The following DOCK2 variants were observed in gnomAD, a reference collection of about 807,000 sequenced individuals.
The protein encoded by DOCK2 is dedicator of cytokinesis 2, also known as dedicator of cytokinesis protein 2.
A neutral mutation model predicts 248.9 loss-of-function variants in DOCK2; 87 were observed. The ratio of observed to expected loss-of-function variants is 0.35; its 90% CI spans 0.29 to 0.42. DOCK2 has a LOEUF of 0.42. DOCK2 is among the 10% of genes least tolerant of loss of function. The probability of loss-of-function intolerance (pLI) is 1.00; values close to 1 mark genes in which losing one functional copy is unlikely to be tolerated. For synonymous variants in DOCK2, 805 were observed against 821.6 expected (o/e 0.98, Z 0.35); for missense variants, 1,747 against 2,300.2 (o/e 0.76, Z 4.92).
At chr5:169,679,808 G>A (rs928707353) in intron 6 of DOCK2, among the ~76,000 whole-genome samples, 1 of 152,208 alleles carries the variant, frequency 6.6e-6, no homozygotes, top group Non-Finnish European at 1.5e-5. Flanking sequence ...GCTTCTGACT[G>A]CATTTGGATG....
At chr5:169,801,475 G>A (rs1766986066) in intron 25 of DOCK2, among the ~76,000 whole-genome samples, 1 of 152,164 alleles carries the variant, frequency 6.6e-6, no homozygotes, top group Non-Finnish European at 1.5e-5. Context: ...GATGATTCAT[G>A]CACGACACTT....
At chr5:169,693,686 G>T (rs1001340495) in intron 9 of DOCK2, among the ~76,000 whole-genome samples, 1 of 152,256 alleles carries the variant, frequency 6.6e-6, no homozygotes, top group South Asian at 2.1e-4. Flanking sequence ...AGCCTGAAAA[G>T]CAGATGTCCA....
chr5:169,932,345 T>G (rs1192871675), intron 27 of DOCK2, among the ~76,000 whole-genome samples: 2 of 152,062 alleles, frequency 1.3e-5, no homozygotes, highest in African/African-American at 2.4e-5. Flanking sequence ...TGGTTGGAAC[T>G]ATACCCGCTG....
At chr5:170,081,606 C>T (rs1758034801) in intron 50 of DOCK2, 1 of 533,478 alleles carries the variant, frequency 1.9e-6, no homozygotes, top group Non-Finnish European at 3.3e-6. Flanking sequence ...AAGGTTTTGA[C>T]CAGGAGCCAG....
rs149544610 is a variant in DOCK2 at position 169,994,340 on chromosome 5, A to G, written c.2994-1746A>G. Among the ~76,000 whole-genome samples the G allele has an allele frequency of 1.8e-4, 28 of 152,328 alleles. No homozygotes were observed. In the East Asian group the frequency reaches 5.4e-3, roughly 29 times the overall value. On this transcript the variant is annotated intron_variant, in intron 29 of 51. Transcript: ENST00000520908. Reference sequence around the variant, plus strand: ...GGAGAGAGATGTTACTGAGTCATACAAGTAAATCATCCTAGACCATGATGA... The same window carrying G: ...GGAGAGAGATGTTACTGAGTCATACGAGTAAATCATCCTAGACCATGATGA...
At chr5:169,824,110 T>G (rs1020141161) in intron 26 of DOCK2, among the ~76,000 whole-genome samples, 2 of 151,926 alleles carry the variant, frequency 1.3e-5, no homozygotes, top group Non-Finnish European at 2.9e-5. Context: ...CACTGCTCAA[T>G]GAAATAAAAG....
chr5:170,039,382 A>G (rs1302720362), intron 36 of DOCK2, among the ~76,000 whole-genome samples: 1 of 152,164 alleles, frequency 6.6e-6, no homozygotes, highest in Admixed American at 6.5e-5. Context: ...GCTGTTATGT[A>G]TCTGATGATT....
intron 22 of DOCK2, among the ~76,000 whole-genome samples, chr5:169,742,866 G>A (rs1763395554): frequency 6.6e-6 from 1 of 152,230 alleles, no homozygotes; most frequent in Non-Finnish European, 1.5e-5. Flanking sequence ...GAGCCGGAGT[G>A]CTGGCTGTGG....
At chr5:169,780,079 C>G (rs1282109530) in intron 25 of DOCK2, among the ~76,000 whole-genome samples, 1 of 152,146 alleles carries the variant, frequency 6.6e-6, no homozygotes, top group Non-Finnish European at 1.5e-5. Flanking sequence ...TCATGTATTT[C>G]CCCTTCCACC....
intron 25 of DOCK2, among the ~76,000 whole-genome samples, chr5:169,779,890 G>A (rs757680123): frequency 6.6e-5 from 10 of 152,092 alleles, no homozygotes; most frequent in Non-Finnish European, 1.3e-4. Context: ...AGGAGGTGTG[G>A]TGACTGACTG....
intron 27 of DOCK2, among the ~76,000 whole-genome samples, chr5:169,848,527 G>A (rs1770449752): frequency 6.6e-6 from 1 of 152,220 alleles, no homozygotes; most frequent in Admixed American, 6.5e-5. Context: ...AGAGAGGGCT[G>A]TCCCGTCTCC....
At chr5:169,747,947 C>A (rs912842509) in intron 23 of DOCK2, among the ~76,000 whole-genome samples, 3 of 152,220 alleles carry the variant, frequency 2.0e-5, no homozygotes, top group Admixed American at 2.0e-4. Flanking sequence ...GACTGCAAAT[C>A]TTTGAGAAAC....
chr5:169,649,898 G>A (rs771194239), intron 1 of DOCK2, among the ~76,000 whole-genome samples: 1 of 151,894 alleles, frequency 6.6e-6, no homozygotes, highest in Admixed American at 6.6e-5. Flanking sequence ...CTGCCTCCCA[G>A]GTTCAAGCAA....
In DOCK2 at chr5:169,714,042, G is replaced by A. The variant is rs747947431; in HGVS notation, c.1674G>A (p.Lys558=). The change falls in exon 18 of 52, where the codon AAG becomes AAA. Residue 558 remains lysine (K), a synonymous_variant. Transcript: ENST00000520908. ...DLVVLKGDSK[K]MEDASAYLTL... ...GTTGTTTCCAGGGGGACAGCAAGAAGATGGAGGATGCCAGCGCATACCTGA... is the reference window on the plus strand; with the variant it reads ...GTTGTTTCCAGGGGGACAGCAAGAAAATGGAGGATGCCAGCGCATACCTGA... 36 of 1,602,334 alleles carry A rather than the reference G, an allele frequency of 2.2e-5. No homozygotes were observed. Among genetic ancestry groups the A allele is most frequent in the Non-Finnish European group, 2.8e-5 (33 of 1,172,208 alleles).
At chr5:169,711,482 C>A (rs948568657) in intron 15 of DOCK2, among the ~76,000 whole-genome samples, 1 of 152,202 alleles carries the variant, frequency 6.6e-6, no homozygotes, top group African/African-American at 2.4e-5. Context: ...TGGATTAAAG[C>A]ATTTTTATTA....
intron 1 of DOCK2, among the ~76,000 whole-genome samples, chr5:169,650,834 G>A (rs982686337): frequency 1.3e-5 from 2 of 152,174 alleles, no homozygotes; most frequent in Admixed American, 1.3e-4. Flanking sequence ...GAGAGGTCAA[G>A]TCTTTCCTAG....
intron 27 of DOCK2, among the ~76,000 whole-genome samples, chr5:169,930,279 C>A (rs536067811): frequency 6.6e-6 from 1 of 152,116 alleles, no homozygotes; most frequent in Admixed American, 6.5e-5. Flanking sequence ...CTTGAGCCAC[C>A]GCACCTGGCC....
chr5:169,710,683 T>A (rs556084781), intron 15 of DOCK2, among the ~76,000 whole-genome samples: 1 of 152,310 alleles, frequency 6.6e-6, no homozygotes, highest in African/African-American at 2.4e-5. Context: ...CACACTTGAC[T>A]TCCTTTTCAG....
In DOCK2 at chr5:170,008,217, AACAACAAC is replaced by A. The variant is rs1265553005; in HGVS notation, c.3073-278_3073-271del. Among the ~76,000 whole-genome samples the A allele has an allele frequency of 1.8e-3, 91 of 50,254 alleles. 1 individual carries two copies. Among genetic ancestry groups the A allele is most frequent in the African/African-American group, 0.011 (59 of 5,288 alleles). 33.0% of individuals were successfully genotyped at this position (50,254 alleles called of 152,430 possible). A position where few individuals can be genotyped will look rare whatever the true frequency, so the allele number is the denominator to read the frequency against. On this transcript the variant is annotated intron_variant, in intron 30 of 51. Coordinates refer to ENST00000520908, the MANE Select transcript of DOCK2 (RefSeq NM_004946.3). ...CAAAAACAACAACAACAACAACAAC[AACAACAAC>A]AAAAAAAAAAAAACCTAAAATTCTC...
Sources: allele counts gnomAD v4.1 joint callset (sites outside exome capture counted in the v4.1 genomes callset), GRCh38; gene constraint gnomAD v4.1.1; transcripts MANE v1.5; gene names NCBI Gene and HGNC (gene_info 2026-07-23, HGNC 2026-07-21).